Variants in RAB20 observed in about 807,000 individuals in gnomAD.
The protein encoded by RAB20 is RAB20, member RAS oncogene family.
RAB20 carries 2 observed loss-of-function variants against 3.7 expected under a neutral mutation model. The ratio of observed to expected loss-of-function variants is 0.54; its 90% confidence interval spans 0.22 to 1.69. The LOEUF (loss-of-function observed/expected upper bound fraction) is 1.69. RAB20 is among the 40% of genes most tolerant of loss of function. The probability of loss-of-function intolerance (pLI) is 0.19; values close to 1 mark genes in which losing one functional copy is unlikely to be tolerated. For missense variants in RAB20, 276 were observed against 311.9 expected, an observed-to-expected ratio of 0.88 and a Z score of 0.87; for synonymous variants, 126 against 130.8, an observed-to-expected ratio of 0.96 and a Z score of 0.25.
intron 1 of RAB20, 134 bp from the exon 2 acceptor site, chr13:110,524,331 T>C (rs1884391664): frequency 5.3e-6 from 7 of 1,331,558 alleles, no homozygotes; most frequent in South Asian, 1.6e-5. Flanking sequence ...TGCTTAAACA[T>C]AGTTGATGGA....
At chr13:110,544,584 C>T (rs575867351) in intron 1 of RAB20, among the ~76,000 whole-genome samples, 1 of 152,304 alleles carries the variant, frequency 6.6e-6, no homozygotes, top group East Asian at 1.9e-4. Context: ...ACACGTTAAA[C>T]TCATGCAATG....
At chr13:110,534,937 G>T (rs986605114) in intron 1 of RAB20, among the ~76,000 whole-genome samples, 2 of 152,112 alleles carry the variant, frequency 1.3e-5, no homozygotes, top group African/African-American at 4.8e-5. Flanking sequence ...GGGCTCAAGC[G>T]ATCCTCCCAC....
rs1885132031 is a variant in RAB20 at position 110,561,456 on chromosome 13, G to A, written c.64C>T (p.Leu22=). ...GDMNVGKTSL[L]QRYMERRFPD... ...AAGCGCCGCTCCATATACCGCTGCA[G>A]CAGCGACGTCTTCCCCACGTTCATG... Residue 22 remains leucine, a synonymous_variant, in exon 1 of 2, where the codon CTG becomes TTG. Coordinates refer to ENST00000267328, the MANE Select transcript of RAB20 (RefSeq NM_017817.3). 5 of 1,604,496 alleles carry A rather than the reference G, an allele frequency of 3.1e-6. No homozygotes were observed. Among genetic ancestry groups the A allele is most frequent in the Non-Finnish European group, 4.3e-6 (5 of 1,175,702 alleles).
intron 1 of RAB20, among the ~76,000 whole-genome samples, chr13:110,549,360 C>A (rs1381010166): frequency 6.6e-6 from 1 of 152,252 alleles, no homozygotes; most frequent in Non-Finnish European, 1.5e-5. Context: ...TGCCCTTTGG[C>A]ATTTCCGAAT....
At chr13:110,541,840 A>ACACACACACACACT (rs896109435) in intron 1 of RAB20, among the ~76,000 whole-genome samples, 7 of 149,488 alleles carry the variant, frequency 4.7e-5, no homozygotes, top group African/African-American at 9.9e-5. Flanking sequence ...ACACACACAC[A>ACACACACACACACT]CTCTCACATA....
intron 1 of RAB20, among the ~76,000 whole-genome samples, chr13:110,532,289 G>A (rs1227838828): frequency 6.6e-6 from 1 of 152,218 alleles, no homozygotes; most frequent in Admixed American, 6.5e-5. Flanking sequence ...TGAAATGTAA[G>A]AATTAGAAAG....
intron 1 of RAB20, among the ~76,000 whole-genome samples, chr13:110,530,817 G>A (rs1012706094): frequency 6.6e-6 from 1 of 151,966 alleles, no homozygotes. Context: ...CAGACACAGG[G>A]CCCTCAGGAG....
chr13:110,561,257 T>C, intron 1 of RAB20, 91 bp downstream of exon 1: 2 of 1,412,988 alleles, frequency 1.4e-6, no homozygotes, highest in South Asian at 1.5e-5. Context: ...GCCGGGACCC[T>C]GTGCGCGGCC....
intron 1 of RAB20, among the ~76,000 whole-genome samples, chr13:110,529,548 G>T (rs1408298347): frequency 2.0e-5 from 3 of 152,212 alleles, no homozygotes; most frequent in East Asian, 1.9e-4. Flanking sequence ...GGATGCCAGA[G>T]CCCCAGGCTG....
intron 1 of RAB20, among the ~76,000 whole-genome samples, chr13:110,557,897 T>G (rs1461086672): frequency 2.0e-5 from 3 of 152,266 alleles, no homozygotes; most frequent in Admixed American, 6.5e-5. Context: ...AGGTCTGTGC[T>G]GGGCACACCA....
chr13:110,527,341 C>T (rs1046353819), intron 1 of RAB20, among the ~76,000 whole-genome samples: 1 of 151,918 alleles, frequency 6.6e-6, no homozygotes, highest in African/African-American at 2.4e-5. Context: ...CCACTGTGGT[C>T]TCCCAGGCCC....
In RAB20 at chr13:110,523,841, G is replaced by T. The variant is rs1566581458; in HGVS notation, c.529C>A (p.Gln177Lys). 6.2e-7 allele frequency: 1 copy of T among 1,614,084 alleles called. No homozygotes were observed. Among genetic ancestry groups the T allele is most frequent in the Non-Finnish European group, 8.5e-7 (1 of 1,180,048 alleles). Residue 177 changes from glutamine (Q) to lysine (K), a missense_variant, in exon 2 of 2, where the codon CAA (glutamine) becomes AAA (lysine). Transcript: ENST00000267328. ...TTGGCGCTGGTCTCAAAGCACATTT[G>T]CTCAGCGGCCGGCACATCCTGCTCA... is the stretch of plus-strand genomic sequence containing the variant. ...LDEQDVPAAE[Q>K]MCFETSAKTG...
rs1396316339 is a variant in RAB20, at chr13:110,561,334, G to A, written c.172+14C>T. 14 of 1,581,968 alleles carry A rather than the reference G, an allele frequency of 8.8e-6. No individual in the cohort carries two copies. Among genetic ancestry groups the A allele is most frequent in the African/African-American group, 1.4e-5 (1 of 72,404 alleles). On this transcript the variant is annotated intron_variant, in intron 1 of 1. Transcript: ENST00000267328. ...AGCCCCAGGGCGGTGTGGCTCATGC[G>A]GCGCCGGCCTCACCTGCGGTGTCCC...
At position 110,555,205 on chromosome 13, in the gene RAB20, C is replaced by T. The variant is rs977035001; in HGVS notation, c.172+6143G>A. Among the ~76,000 whole-genome samples the T allele has an allele frequency of 1.3e-5, 2 of 152,140 alleles. No individual in the cohort carries two copies. The highest frequency in any genetic ancestry group is 2.9e-5 in the Non-Finnish European group (2 of 68,024). ...TTGGAAGCACGAGTTTCGGAGGCAG[C>T]CCGTCCTGTTACACACAGGCCACAC... is the stretch of plus-strand genomic sequence containing the variant. On this transcript the variant is annotated intron_variant, in intron 1 of 1. Coordinates refer to ENST00000267328, the MANE Select transcript of RAB20 (RefSeq NM_017817.3). This position sits in a 1 kb window ranked among gnomAD's most constrained non-coding sequence, Gnocchi z 4.0.
chr13:110,549,433 C>T (rs769102878), intron 1 of RAB20, among the ~76,000 whole-genome samples: 1 of 152,226 alleles, frequency 6.6e-6, no homozygotes, highest in Non-Finnish European at 1.5e-5. Flanking sequence ...TTTTCATCCA[C>T]GGTTCCTAGC....
chr13:110,537,717 C>T (rs538818526), intron 1 of RAB20, among the ~76,000 whole-genome samples: 1 of 133,740 alleles, frequency 7.5e-6, no homozygotes, highest in East Asian at 2.2e-4. Flanking sequence ...CTTTTAGAAA[C>T]AGCTGACGCC....
At chr13:110,526,620 A>G (rs1235083040) in intron 1 of RAB20, among the ~76,000 whole-genome samples, 1 of 152,172 alleles carries the variant, frequency 6.6e-6, no homozygotes, top group East Asian at 1.9e-4. Context: ...AATGAGGGAG[A>G]AAACATCATC....
chr13:110,524,232 C>T, intron 1 of RAB20, 35 bp from the exon 2 acceptor site: 2 of 1,545,452 alleles, frequency 1.3e-6, no homozygotes, highest in South Asian at 2.4e-5. Flanking sequence ...GAGTGGTTAT[C>T]TCTCATCTCA....
At position 110,561,662 on chromosome 13, in the gene RAB20, C is replaced by T; in HGVS notation, c.-143G>A. The stretch of plus-strand genomic sequence containing the variant: ...ACGCTCCGGGACCTTCGCCTCCGGA[C>T]GCCCGGGAGCTCAAGAGAGGAAGCG... On this transcript the variant is annotated 5_prime_UTR_variant, in exon 1 of 2. Transcript: ENST00000267328. 2 of 1,346,170 alleles carry T rather than the reference C, an allele frequency of 1.5e-6. No homozygotes were observed. Among genetic ancestry groups the T allele is most frequent in the Non-Finnish European group, 1.9e-6 (2 of 1,035,018 alleles). 83.4% of individuals were successfully genotyped at this position (1,346,170 alleles called of 1,614,324 possible).
Sources: gnomAD v4.1 joint callset for allele counts (sites outside exome capture counted in the v4.1 genomes callset) on GRCh38, gnomAD v4.1.1 for gene constraint, Gnocchi (gnomAD v3.1) non-coding constraint, MANE v1.5 for transcripts, NCBI Gene and HGNC (gene_info 2026-07-23, HGNC 2026-07-21) for gene names.